Variants in TRIM5 observed in about 807,000 individuals in gnomAD.
TRIM5 encodes tripartite motif-containing protein 5.
A neutral mutation model predicts 35.6 loss-of-function variants in TRIM5; 31 were observed. That is an observed-to-expected ratio of 0.87 (90% CI 0.65 to 1.18). The LOEUF (loss-of-function observed/expected upper bound fraction) is 1.18. Ranked by LOEUF, TRIM5 falls within the 50% of genes most tolerant of loss-of-function variation. The probability of loss-of-function intolerance (pLI) is 0.00; values close to 1 mark genes in which losing one functional copy is unlikely to be tolerated. For missense variants in TRIM5, 609 were observed against 591.6 expected (o/e 1.03, Z -0.31); for synonymous variants, 243 against 215.6 (o/e 1.13, Z -1.11).
chr11:5,595,235 A>T, the TRIM5 span: 2 of 152,248 alleles, frequency 1.3e-5, no homozygotes, highest in Admixed American at 6.5e-5. Flanking sequence ...TACTCACCTA[A>T]TCAGTCTCCT....
chr11:5,603,649 A>G, the TRIM5 span: 1 of 1,613,182 alleles, frequency 6.2e-7, no homozygotes, highest in Non-Finnish European at 8.5e-7. Flanking sequence ...GGAGGATGGG[A>G]AGGTCATTTG....
At chr11:5,648,485 G>A in the TRIM5 span, among the ~76,000 whole-genome samples, 10 of 152,034 alleles carry the variant, frequency 6.6e-5, no homozygotes, top group South Asian at 4.2e-4. Context: ...CAGCCTGGGC[G>A]ACAGAGGGAG....
At chr11:5,625,375 A>G in the TRIM5 span, among the ~76,000 whole-genome samples, 7 of 152,078 alleles carry the variant, frequency 4.6e-5, no homozygotes, top group Non-Finnish European at 1.0e-4. Context: ...AAAGGAAACA[A>G]TTCTCTCTCT....
chr11:5,681,263 GC>G (rs989131300), intron 1 of TRIM5, among the ~76,000 whole-genome samples: 3 of 152,136 alleles, frequency 2.0e-5, no homozygotes, highest in Non-Finnish European at 2.9e-5. Flanking sequence ...GCTTCTTGCG[GC>G]CCAATAACGA....
At chr11:5,649,224 T>C in the TRIM5 span, among the ~76,000 whole-genome samples, 1 of 152,212 alleles carries the variant, frequency 6.6e-6, no homozygotes, top group South Asian at 2.1e-4. Flanking sequence ...TATACCAGAT[T>C]ATCTATAAAA....
the TRIM5 span, among the ~76,000 whole-genome samples, chr11:5,629,111 T>C: frequency 6.6e-6 from 1 of 152,156 alleles, no homozygotes; most frequent in Admixed American, 6.5e-5. Flanking sequence ...ACCCCGTCTC[T>C]ACTAAAAATC....
intron 5 of TRIM5, 90 bp downstream of exon 5, chr11:5,667,599 G>A: frequency 7.1e-7 from 1 of 1,410,676 alleles, no homozygotes; most frequent in Non-Finnish European, 9.8e-7. Context: ...CCTGGGAGAT[G>A]TTTTATTCTA....
At chr11:5,592,526 C>T in the TRIM5 span, among the ~76,000 whole-genome samples, 2 of 151,960 alleles carry the variant, frequency 1.3e-5, no homozygotes, top group African/African-American at 2.4e-5. Context: ...TCTTAAATAC[C>T]GTGCTATATG....
chr11:5,590,561 G>GA, the TRIM5 span: 1 of 152,250 alleles, frequency 6.6e-6, no homozygotes, highest in Non-Finnish European at 1.5e-5. Context: ...ATCTGATGGG[G>GA]ACGTGGAGAA....
the TRIM5 span, among the ~76,000 whole-genome samples, chr11:5,602,537 G>GT: frequency 7.9e-5 from 12 of 152,056 alleles, no homozygotes; most frequent in African/African-American, 2.9e-4. Context: ...TAGGAAGCTA[G>GT]TAAGTCATGC....
chr11:5,665,601 GATAATA>G, intron 7 of TRIM5, 49 bp downstream of exon 7: 1 of 1,583,236 alleles, frequency 6.3e-7, no homozygotes. Flanking sequence ...AAAAGATAAA[GATAATA>G]ATAATGATAA....
the TRIM5 span, among the ~76,000 whole-genome samples, chr11:5,630,038 T>C: frequency 6.6e-6 from 1 of 152,032 alleles, no homozygotes; most frequent in Admixed American, 6.6e-5. Context: ...TACAAGACCA[T>C]GTGACCATGT....
the TRIM5 span, among the ~76,000 whole-genome samples, chr11:5,623,172 G>A: frequency 2.3e-5 from 3 of 130,580 alleles, no homozygotes; most frequent in Non-Finnish European, 4.7e-5. Context: ...AGCCAGGTTT[G>A]CCCTAACCAG....
chr11:5,682,983 G>C (rs919016000), intron 1 of TRIM5, among the ~76,000 whole-genome samples: 1 of 152,230 alleles, frequency 6.6e-6, no homozygotes, highest in Non-Finnish European at 1.5e-5. Flanking sequence ...TGCGCGCCGC[G>C]CTTGTGGGCC....
chr11:5,656,908 C>T, the TRIM5 span, among the ~76,000 whole-genome samples: 1 of 152,130 alleles, frequency 6.6e-6, no homozygotes, highest in Non-Finnish European at 1.5e-5. Flanking sequence ...TGTGGCGATT[C>T]CTCAAGTATC....
chr11:5,678,429 T>C lies in TRIM5; in HGVS notation c.519A>G (p.Gln173=), dbSNP rs142432531. 1.2e-5 allele frequency: 18 copies of C among 1,545,470 alleles called. No homozygotes were observed. The highest frequency in any genetic ancestry group is 9.6e-5 in the African/African-American group (7 of 72,950). Residue 173 remains glutamine, a synonymous_variant, in exon 4 of 8, where the codon CAA becomes CAG. Coordinates refer to ENST00000380034, the MANE Select transcript of TRIM5 (RefSeq NM_033034.3). Reference sequence around the variant, plus strand: ...AGACGTTGGTTTTGTCATACTGTATTTGAGTCTTCAGAGATAAGAGAAGAG... The same window carrying C: ...AGACGTTGGTTTTGTCATACTGTATCTGAGTCTTCAGAGATAAGAGAAGAG... The part of the protein sequence containing the change: ...IREEKASWKT[Q]IQYDKTNVLA...
Position 5,667,731 on chromosome 11 carries a change from C to G in TRIM5, c.745-20G>C, listed in dbSNP as rs1415718636. Reference sequence around the variant, plus strand: ...CACACCCTAGGAAGAAGAGAGAAAACATCAATTAAGAAAGAAAGAGTCTCT... The same window carrying G: ...CACACCCTAGGAAGAAGAGAGAAAAGATCAATTAAGAAAGAAAGAGTCTCT... On this transcript the variant is annotated intron_variant, in intron 4 of 7. Transcript: ENST00000380034. 1 of 1,612,654 alleles carries G rather than the reference C, an allele frequency of 6.2e-7. No homozygotes were observed. Among genetic ancestry groups the G allele is most frequent in the Non-Finnish European group, 8.5e-7 (1 of 1,179,602 alleles).
the TRIM5 span, chr11:5,612,550 TAAAGG>T: frequency 6.6e-6 from 1 of 152,174 alleles, no homozygotes; most frequent in Non-Finnish European, 1.5e-5. Context: ...ATAAAGCACT[TAAAGG>T]AAGAGGATGA....
intron 3 of TRIM5, among the ~76,000 whole-genome samples, chr11:5,678,835 G>A (rs1239433451): frequency 2.6e-5 from 4 of 152,158 alleles, no homozygotes; most frequent in Non-Finnish European, 4.4e-5. Flanking sequence ...CACAAAAATA[G>A]AATGCAGGAT....
Sources: gnomAD v4.1 joint callset for allele counts (sites outside exome capture counted in the v4.1 genomes callset) on GRCh38, gnomAD v4.1.1 for gene constraint, MANE v1.5 for transcripts, NCBI Gene and HGNC (gene_info 2026-07-23, HGNC 2026-07-21) for gene names.